Variants in IL4I1 observed in about 807,000 individuals in gnomAD.
IL4I1 encodes interleukin 4 induced 1, also known as L-amino-acid oxidase.
In IL4I1, 24 loss-of-function variants were observed where a neutral mutation model predicts 29.7. The ratio of observed to expected loss-of-function variants is 0.81; its 90% CI spans 0.59 to 1.14. The LOEUF (loss-of-function observed/expected upper bound fraction) is 1.14, where lower values mean the gene tolerates loss of function less well. Ranked by LOEUF, IL4I1 falls within the 50% of genes most tolerant of loss-of-function variation. The pLI is 0.00. For synonymous variants in IL4I1, 371 were observed against 352.5 expected, an observed-to-expected ratio of 1.05 and a Z score of -0.59; for missense variants, 686 against 785.6, an observed-to-expected ratio of 0.87 and a Z score of 1.52.
chr19:49,901,666 C>T, upstream of IL4I1: 1 of 1,537,868 alleles, frequency 6.5e-7, no homozygotes, highest in Non-Finnish European at 8.8e-7. Flanking sequence ...GGGGCTCTCT[C>T]AGCACCCATG....
chr19:49,890,575 C>A lies in IL4I1; in HGVS notation c.799G>T (p.Asp267Tyr). The A allele has an allele frequency of 6.3e-7, 1 of 1,580,784 alleles. No homozygotes were observed. The highest frequency in any genetic ancestry group is 1.1e-5 in the South Asian group (1 of 89,016). Residue 267 changes from aspartate to tyrosine, a missense_variant, in exon 8 of 8, where the codon GAC becomes TAC. Coordinates refer to ENST00000391826, the MANE Select transcript of IL4I1 (RefSeq NM_152899.2). ...CTCAGCAGCGCGCGCGGCAGCAGGT[C>A]CCAGCCACCCACGATGCGGCTGTAC... The part of the protein sequence containing the change: ...LQYSRIVGGW[D>Y]LLPRALLSSL...
At chr19:49,927,270 A>G (rs1014145326) in intron 2 of IL4I1, among the ~76,000 whole-genome samples, 2 of 152,074 alleles carry the variant, frequency 1.3e-5, no homozygotes, top group African/African-American at 4.8e-5. Flanking sequence ...TCAAGTTTTG[A>G]ACTCATATAA....
intron 1 of IL4I1, chr19:49,928,303 G>A (rs1455414094): frequency 1.3e-5 from 2 of 152,240 alleles, no homozygotes; most frequent in Non-Finnish European, 2.9e-5. Flanking sequence ...GGATCACGAG[G>A]CCAGGAAATT....
Position 49,908,875 on chromosome 19 carries a change from G to A in IL4I1, c.-227-4554C>T, listed in dbSNP as rs777253913. On this transcript the variant is annotated intron_variant, in intron 2 of 9. Transcript: ENST00000341114. ...CAGCTGCGCCAGGGCCAGGTGGAGC[G>A]GTCACGGCAGCTGCTGTATTGCTGG... is the stretch of plus-strand genomic sequence containing the variant. The A allele has an allele frequency of 9.1e-5, 146 of 1,610,672 alleles. No individual in the cohort carries two copies. Among genetic ancestry groups the A allele is most frequent in the Admixed American group, 1.3e-4 (8 of 59,992 alleles).
At position 49,908,977 on chromosome 19, in the gene IL4I1, GGCGGTGGCA is replaced by G. The variant is rs762094191; in HGVS notation, c.-227-4665_-227-4657del. Reference sequence around the variant, plus strand: ...TGCTGCTGCTGGTGGTGGTGGCGGTGGCGGTGGCAGCGGTGGATGTTGTTGTGGAGGTGC... The same window carrying G: ...TGCTGCTGCTGGTGGTGGTGGCGGTGGCGGTGGATGTTGTTGTGGAGGTGC... On this transcript the variant is annotated intron_variant, in intron 2 of 9. Coordinates refer to the IL4I1 transcript ENST00000341114. 282 of 1,609,878 alleles carry G rather than the reference GGCGGTGGCA, an allele frequency of 1.8e-4. No individual in the cohort carries two copies. Among genetic ancestry groups the G allele is most frequent in the African/African-American group, 3.3e-4 (25 of 74,986 alleles).
At chr19:49,910,526 A>C (rs2075437399) in intron 2 of IL4I1, among the ~76,000 whole-genome samples, 1 of 152,164 alleles carries the variant, frequency 6.6e-6, no homozygotes, top group Non-Finnish European at 1.5e-5. Flanking sequence ...GATTGGCTCA[A>C]GGATAAACTG....
chr19:49,914,080 G>A (rs1158431083), intron 2 of IL4I1, among the ~76,000 whole-genome samples: 1 of 152,128 alleles, frequency 6.6e-6, no homozygotes, highest in Non-Finnish European at 1.5e-5. Context: ...CAGGCATGAT[G>A]GCTCACACCT....
intron 2 of IL4I1, among the ~76,000 whole-genome samples, chr19:49,915,158 G>C (rs189341788): frequency 1.3e-5 from 2 of 152,016 alleles, no homozygotes; most frequent in South Asian, 2.1e-4. Flanking sequence ...CTATGTGTGT[G>C]GGGGGGTAGA....
At chr19:49,924,741 C>T (rs1361780543) in intron 2 of IL4I1, among the ~76,000 whole-genome samples, 1 of 152,172 alleles carries the variant, frequency 6.6e-6, no homozygotes, top group Non-Finnish European at 1.5e-5. Context: ...TGAACTAGAA[C>T]AGGCTGGGAG....
At chr19:49,890,928 T>TTGG in intron 7 of IL4I1, 43 bp downstream of exon 7, 5 of 633,186 alleles carry the variant, frequency 7.9e-6, no homozygotes, top group Non-Finnish European at 7.3e-6. Context: ...TTTCCCTGAT[T>TTGG]GCCCCCCGCC....
chr19:49,895,143 C>T lies in IL4I1; in HGVS notation c.290G>A (p.Arg97His), dbSNP rs769840504. Residue 97 changes from arginine to histidine, a missense_variant, in exon 4 of 8, where the codon CGC becomes CAC. Transcript: ENST00000391826. ...GTTCTGGTCCCGGTAGGTGAAGATGCGGCCCCCGATCCTGTTATCTGCCTC... is the reference window on the plus strand; with the variant it reads ...GTTCTGGTCCCGGTAGGTGAAGATGTGGCCCCCGATCCTGTTATCTGCCTC... ...ILEADNRIGG[R>H]IFTYRDQNTG... The T allele has an allele frequency of 1.4e-5, 22 of 1,613,648 alleles. No homozygotes were observed. The highest frequency in any genetic ancestry group is 1.2e-4 in the Admixed American group (7 of 59,978).
At chr19:49,895,291 C>G in intron 3 of IL4I1, 111 bp from the exon 4 acceptor site, 1 of 787,574 alleles carries the variant, frequency 1.3e-6, no homozygotes, top group Non-Finnish European at 2.1e-6. Flanking sequence ...CACAGTGGCC[C>G]AGACCCAGAC....
chr19:49,910,022 C>T (rs1054315115), intron 2 of IL4I1: 3 of 638,380 alleles, frequency 4.7e-6, no homozygotes, highest in African/African-American at 3.6e-5. Context: ...GGCTCTGCTA[C>T]ATCGAGAAGG....
chr19:49,898,044 C>T (rs1047739373), upstream of IL4I1, among the ~76,000 whole-genome samples: 1 of 152,168 alleles, frequency 6.6e-6, no homozygotes, highest in Admixed American at 6.5e-5. Flanking sequence ...GTGACGAGGG[C>T]CAGGGGTGGC....
intron 2 of IL4I1, among the ~76,000 whole-genome samples, chr19:49,918,986 C>T (rs186424645): frequency 1.3e-5 from 2 of 148,208 alleles, no homozygotes; most frequent in South Asian, 2.2e-4. Context: ...CCCATCTCTA[C>T]AAAAAAAAAT....
intron 2 of IL4I1, chr19:49,909,332 G>A (rs2075401679): frequency 6.2e-7 from 1 of 1,614,006 alleles, no homozygotes; most frequent in Non-Finnish European, 8.5e-7. Context: ...ACCAGTGAAT[G>A]AGAAGCCTCC....
intron 6 of IL4I1, 91 bp downstream of exon 6, chr19:49,891,314 G>A (rs1385182202): frequency 7.5e-6 from 11 of 1,472,670 alleles, no homozygotes; most frequent in South Asian, 6.8e-5. Context: ...CAGGACTAGG[G>A]TGCCAGGTAC....
At chr19:49,913,382 G>A (rs889412809) in intron 2 of IL4I1, among the ~76,000 whole-genome samples, 3 of 152,182 alleles carry the variant, frequency 2.0e-5, no homozygotes, top group Non-Finnish European at 2.9e-5. Context: ...TTTACCTGGG[G>A]CCCCAGGCCA....
At chr19:49,924,326 G>A (rs983316696) in intron 2 of IL4I1, among the ~76,000 whole-genome samples, 3 of 152,114 alleles carry the variant, frequency 2.0e-5, no homozygotes, top group Admixed American at 1.3e-4. Context: ...GGTCCTGCAC[G>A]GGTGGCTGAT....
Sources: allele counts gnomAD v4.1 joint callset (sites outside exome capture counted in the v4.1 genomes callset), GRCh38; gene constraint gnomAD v4.1.1; transcripts MANE v1.5; gene names NCBI Gene and HGNC (gene_info 2026-07-23, HGNC 2026-07-21).